Variants in LHFPL2 observed in about 807,000 individuals in gnomAD.
The protein encoded by LHFPL2 is LHFPL tetraspan subfamily member 2 protein.
In LHFPL2, 7 loss-of-function variants were observed where a neutral mutation model predicts 17.5. The ratio of observed to expected loss-of-function variants is 0.40; its 90% CI spans 0.23 to 0.75. The LOEUF is 0.75. Ranked by LOEUF, LHFPL2 falls within the 30% of genes least tolerant of loss-of-function variation. The probability of loss-of-function intolerance (pLI) is 0.37; values close to 1 mark genes in which losing one functional copy is unlikely to be tolerated. For synonymous variants in LHFPL2, 134 were observed against 116.2 expected (o/e 1.15, Z -0.99); for missense variants, 241 against 294.8 (o/e 0.82, Z 1.34).
At chr5:78,567,085 G>C (rs1463456685) in intron 2 of LHFPL2, among the ~76,000 whole-genome samples, 1 of 152,144 alleles carries the variant, frequency 6.6e-6, no homozygotes, top group Admixed American at 6.5e-5. Flanking sequence ...GGACAGTTAA[G>C]ACAGTCAAGA....
intron 2 of LHFPL2, among the ~76,000 whole-genome samples, chr5:78,587,794 G>T (rs966067118): frequency 3.3e-5 from 5 of 152,334 alleles, no homozygotes; most frequent in Non-Finnish European, 7.4e-5. Flanking sequence ...TGGTCTGAAG[G>T]TGGCCCAAGC....
chr5:78,606,187 T>A (rs1744206312), intron 2 of LHFPL2, among the ~76,000 whole-genome samples: 1 of 152,204 alleles, frequency 6.6e-6, no homozygotes, highest in Admixed American at 6.5e-5. Context: ...ATTTGTTTTT[T>A]AAAAACTGGT....
chr5:78,637,426 A>G lies in LHFPL2; in HGVS notation c.-349-5058T>C, dbSNP rs573979113. Among the ~76,000 whole-genome samples the G allele has an allele frequency of 2.6e-5, 4 of 152,262 alleles. No homozygotes were observed. The South Asian group carries it at 8.3e-4, about 32-fold the overall frequency. ...GGAAGCCTTCCCCTATACCTTTACC[A>G]TATCTCAACTGGAAGAGCTCATAAC... On this transcript the variant is annotated intron_variant, in intron 1 of 4. Transcript: ENST00000380345.
At chr5:78,520,410 G>C (rs1755418003) in intron 3 of LHFPL2, among the ~76,000 whole-genome samples, 1 of 152,196 alleles carries the variant, frequency 6.6e-6, no homozygotes, top group African/African-American at 2.4e-5. Context: ...TGAAGGCGCT[G>C]GACTTGCAGA....
intron 3 of LHFPL2, among the ~76,000 whole-genome samples, chr5:78,519,546 CTT>C (rs1755387021): frequency 6.6e-6 from 1 of 152,338 alleles, no homozygotes; most frequent in African/African-American, 2.4e-5. Flanking sequence ...GAGGCAGACA[CTT>C]AATCTGAACC....
chr5:78,511,101 A>G (rs1335315995), intron 3 of LHFPL2, among the ~76,000 whole-genome samples: 1 of 95,498 alleles, frequency 1.0e-5, no homozygotes, highest in Admixed American at 1.1e-4. Context: ...TAAAACTCAG[A>G]GGGGAAAAAA....
intron 2 of LHFPL2, among the ~76,000 whole-genome samples, chr5:78,577,465 A>C (rs1347591716): frequency 6.6e-6 from 1 of 152,122 alleles, no homozygotes; most frequent in Non-Finnish European, 1.5e-5. Flanking sequence ...ATTTTTTTTA[A>C]GTTAAATAAG....
chr5:78,506,302 G>C (rs116642051), intron 4 of LHFPL2, among the ~76,000 whole-genome samples: 2,084 of 152,258 alleles, frequency 0.014, 56 homozygotes, highest in African/African-American at 0.048. Context: ...ATATGCTTAC[G>C]ATCATTTCTC....
At chr5:78,577,573 G>A (rs1284345928) in intron 2 of LHFPL2, among the ~76,000 whole-genome samples, 1 of 152,042 alleles carries the variant, frequency 6.6e-6, no homozygotes, top group Non-Finnish European at 1.5e-5. Context: ...TGCCGTACAC[G>A]GGTCCATTTG....
intron 2 of LHFPL2, among the ~76,000 whole-genome samples, chr5:78,586,216 CT>C (rs34795945): frequency 6.6e-6 from 1 of 152,166 alleles, no homozygotes; most frequent in Non-Finnish European, 1.5e-5. Flanking sequence ...CCTCAAAGAA[CT>C]TTTTTCCTCA....
intron 3 of LHFPL2, among the ~76,000 whole-genome samples, chr5:78,515,489 T>C (rs894526292): frequency 6.6e-6 from 1 of 152,194 alleles, no homozygotes; most frequent in Non-Finnish European, 1.5e-5. Context: ...CTCAGACACA[T>C]GAATCCCACA....
intron 3 of LHFPL2, among the ~76,000 whole-genome samples, chr5:78,561,988 T>C (rs986353932): frequency 6.6e-6 from 1 of 152,174 alleles, no homozygotes; most frequent in Non-Finnish European, 1.5e-5. Flanking sequence ...GAGCAGGTAT[T>C]ACCCTTGCCA....
intron 3 of LHFPL2, among the ~76,000 whole-genome samples, chr5:78,524,467 C>T (rs946546842): frequency 1.3e-5 from 2 of 152,170 alleles, no homozygotes; most frequent in South Asian, 2.1e-4. Flanking sequence ...TCCGGCCAGG[C>T]GCAGTGGCTC....
intron 3 of LHFPL2, among the ~76,000 whole-genome samples, chr5:78,512,080 T>C (rs969538505): frequency 2.0e-5 from 3 of 152,078 alleles, no homozygotes; most frequent in Admixed American, 2.0e-4. Flanking sequence ...CCTGGCAGAG[T>C]AAGTGCTCAA....
intron 2 of LHFPL2, among the ~76,000 whole-genome samples, chr5:78,627,249 G>GCCTT (rs1227573555): frequency 6.6e-6 from 1 of 152,152 alleles, no homozygotes; most frequent in East Asian, 1.9e-4. Context: ...GGCAGTGGAT[G>GCCTT]CCTTGTCCTT....
chr5:78,599,061 C>T (rs541309250), intron 2 of LHFPL2, among the ~76,000 whole-genome samples: 6 of 152,268 alleles, frequency 3.9e-5, no homozygotes, highest in South Asian at 2.1e-4. Flanking sequence ...GGAAGTGCTG[C>T]GCTCACTGCA....
At chr5:78,542,546 G>C (rs185479054) in intron 3 of LHFPL2, among the ~76,000 whole-genome samples, 1 of 152,210 alleles carries the variant, frequency 6.6e-6, no homozygotes, top group Admixed American at 6.5e-5. Context: ...TGGATTTCCT[G>C]CTGAAGCCCA....
intron 4 of LHFPL2, among the ~76,000 whole-genome samples, chr5:78,500,037 A>G (rs76525791): frequency 0.15 from 9,821 of 67,250 alleles, 539 homozygotes; most frequent in East Asian, 0.47. Flanking sequence ...AAAAAAAAAA[A>G]GGCAGTATAA....
chr5:78,629,149 G>A (rs1745160785), intron 2 of LHFPL2, among the ~76,000 whole-genome samples: 1 of 152,162 alleles, frequency 6.6e-6, no homozygotes, highest in Admixed American at 6.5e-5. Context: ...TTATCCAAAG[G>A]ACTTCCTTCT....
Sources: allele counts gnomAD v4.1 joint callset (sites outside exome capture counted in the v4.1 genomes callset), GRCh38; gene constraint gnomAD v4.1.1; transcripts MANE v1.5; gene names NCBI Gene and HGNC (gene_info 2026-07-23, HGNC 2026-07-21).